CELF2: variants seen among roughly 807,000 people sequenced by gnomAD.
CELF2 encodes the protein CUG triplet repeat RNA-binding protein 2.
Under a neutral mutation model 62.6 loss-of-function variants are expected in CELF2, and 8 were observed. The ratio of observed to expected loss-of-function variants is 0.13; its 90% CI spans 0.07 to 0.23. The LOEUF (loss-of-function observed/expected upper bound fraction) is 0.23, where lower values mean the gene tolerates loss of function less well. Among genes scored for constraint, CELF2 ranks in the 10% least tolerant of loss-of-function variants. The pLI, the probability that CELF2 is intolerant of heterozygous loss-of-function variation, is 1.00. For synonymous variants in CELF2, 258 were observed against 250.0 expected (o/e 1.03, Z -0.30); for missense variants, 333 against 671.0 (o/e 0.50, Z 5.56).
At chr10:10,530,649 T>C in the CELF2 span, among the ~76,000 whole-genome samples, 11 of 152,318 alleles carry the variant, frequency 7.2e-5, no homozygotes, top group Non-Finnish European at 1.5e-4. Context: ...CTTTGCTCTT[T>C]CCTCTTTTGC....
At chr10:10,664,138 G>C in the CELF2 span, among the ~76,000 whole-genome samples, 1 of 152,228 alleles carries the variant, frequency 6.6e-6, no homozygotes, top group African/African-American at 2.4e-5. Context: ...AGTTTTGGTG[G>C]TCCTGGCACA....
intron 3 of CELF2, among the ~76,000 whole-genome samples, chr10:11,233,560 A>G (rs1211991500): frequency 1.3e-5 from 2 of 152,204 alleles, no homozygotes; most frequent in East Asian, 3.8e-4. Flanking sequence ...ATCCATTCAA[A>G]TGGTCTACAG....
intron 2 of CELF2, among the ~76,000 whole-genome samples, chr10:11,215,770 G>T (rs1259352552): frequency 6.6e-6 from 1 of 152,192 alleles, no homozygotes; most frequent in Non-Finnish European, 1.5e-5. Context: ...TACCAAGCCT[G>T]ATGAGGCATG....
chr10:10,894,212 A>G (rs1019832721), intron 1 of CELF2, among the ~76,000 whole-genome samples: 2 of 152,236 alleles, frequency 1.3e-5, no homozygotes, highest in Admixed American at 6.5e-5. Context: ...CAAGAGGCCA[A>G]TATTTGAAGT....
intron 12 of CELF2, among the ~76,000 whole-genome samples, chr10:11,326,862 G>C (rs1250157568): frequency 6.6e-6 from 1 of 152,156 alleles, no homozygotes; most frequent in African/African-American, 2.4e-5. Context: ...CAGGTAGTTA[G>C]GTAAGGGCTG....
the CELF2 span, among the ~76,000 whole-genome samples, chr10:10,532,331 G>T: frequency 6.6e-6 from 1 of 152,244 alleles, no homozygotes; most frequent in Non-Finnish European, 1.5e-5. Flanking sequence ...TCAGATGCTT[G>T]TTGCTGGGAT....
rs1254941071 is a variant in CELF2 at position 11,316,378 on chromosome 10, A to C, written c.1096+2120A>C. 6.6e-6 allele frequency among the ~76,000 whole-genome samples: 1 copy of C among 152,262 alleles called. No homozygotes were observed. On this transcript the variant is annotated intron_variant, in intron 10 of 12. Coordinates refer to ENST00000633077, the MANE Select transcript of CELF2 (RefSeq NM_001326342.2). This position sits in a 1 kb window ranked among gnomAD's most constrained non-coding sequence, Gnocchi z 4.4. ...TGTGATTGGAAAGTGTTACTAATGC[A>C]GAGCCGTTTTACAATCTCCAGCATT...
At chr10:10,887,475 A>G (rs569640857) in intron 1 of CELF2, among the ~76,000 whole-genome samples, 8 of 152,308 alleles carry the variant, frequency 5.3e-5, no homozygotes, top group East Asian at 1.9e-4. Flanking sequence ...GCAAAGTTCA[A>G]TTGAATTGAC....
the CELF2 span, among the ~76,000 whole-genome samples, chr10:10,561,219 C>T: frequency 4.6e-5 from 7 of 152,172 alleles, no homozygotes; most frequent in South Asian, 1.2e-3. Context: ...ATTTTTCAGT[C>T]TCTTCTCCGT....
At chr10:10,940,787 G>T (rs970808834) in intron 2 of CELF2, among the ~76,000 whole-genome samples, 1 of 152,130 alleles carries the variant, frequency 6.6e-6, no homozygotes, top group Non-Finnish European at 1.5e-5. Context: ...TGGCATGAAG[G>T]GTAGGGAGAA....
chr10:11,100,949 G>T (rs1270316040), intron 1 of CELF2, among the ~76,000 whole-genome samples: 1 of 152,230 alleles, frequency 6.6e-6, no homozygotes, highest in Non-Finnish European at 1.5e-5. Flanking sequence ...ACCAGGCAAA[G>T]AGGTGTTTAT....
intron 2 of CELF2, among the ~76,000 whole-genome samples, chr10:10,999,157 G>A (rs560511535): frequency 3.9e-5 from 6 of 152,068 alleles, no homozygotes; most frequent in Admixed American, 1.3e-4. Flanking sequence ...ACTCCTCGTT[G>A]AGCGTGGTAT....
intron 4 of CELF2, among the ~76,000 whole-genome samples, chr10:11,250,909 C>T (rs1034393569): frequency 6.6e-6 from 1 of 152,186 alleles, no homozygotes; most frequent in African/African-American, 2.4e-5. Flanking sequence ...GCGTGCTGGC[C>T]TGGGAAGAAG....
At chr10:11,108,186 T>C (rs1431361608) in intron 1 of CELF2, among the ~76,000 whole-genome samples, 3 of 144,900 alleles carry the variant, frequency 2.1e-5, no homozygotes, top group African/African-American at 7.8e-5. Flanking sequence ...ATGCTCTCAT[T>C]TTGTTTTCCC....
In CELF2 at chr10:10,983,323, G is replaced by A. The variant is rs1341728056; in HGVS notation, c.89+63324G>A. 6.6e-6 allele frequency among the ~76,000 whole-genome samples: 1 copy of A among 152,092 alleles called. No individual in the cohort carries two copies. The highest frequency in any genetic ancestry group is 1.5e-5 in the Non-Finnish European group (1 of 68,012). The stretch of plus-strand genomic sequence containing the variant: ...CTAGCTGAGGGTGCTTGGGGGTAGG[G>A]TATTCAGTTAGTAACCTGTATCTAA... On this transcript the variant is annotated intron_variant, in intron 2 of 13. Transcript: ENST00000636488. The surrounding 1 kb of genome is among the most constrained non-coding windows in gnomAD (Gnocchi z 5.2).
rs894033039 is a variant in CELF2 at position 11,207,347 on chromosome 10, A to G, written c.272-10078A>G. Among the ~76,000 whole-genome samples, 10 of 152,298 alleles carry G rather than the reference A, an allele frequency of 6.6e-5. No individual in the cohort carries two copies. The highest frequency in any genetic ancestry group is 3.4e-3 in the Middle Eastern group (1 of 294). On this transcript the variant is annotated intron_variant, in intron 2 of 12. Coordinates refer to ENST00000633077, the MANE Select transcript of CELF2 (RefSeq NM_001326342.2). This position sits in a 1 kb window ranked among gnomAD's most constrained non-coding sequence, Gnocchi z 4.1. The stretch of plus-strand genomic sequence containing the variant: ...AACAGAAGATGGTTCCTCCAGGGAA[A>G]GTCCCCAGGGCAACAGGAGGCTGCC...
In CELF2 at chr10:11,325,987, A is replaced by G. The variant is rs772233500; in HGVS notation, c.1438+8A>G. 6.2e-7 allele frequency: 1 copy of G among 1,608,644 alleles called. No homozygotes were observed. The highest frequency in any genetic ancestry group is 2.2e-5 in the East Asian group (1 of 44,846). Reference sequence around the variant, plus strand: ...ATCTGAGCAAGTGCTTTGGTATGCAAAAGAAACTAAGCTAGTATATTGCAG... The same window carrying G: ...ATCTGAGCAAGTGCTTTGGTATGCAGAAGAAACTAAGCTAGTATATTGCAG... On this transcript the variant is annotated splice_region_variant and intron_variant, in intron 12 of 12. Transcript: ENST00000633077.
At chr10:11,076,066 C>A (rs1435257630) in intron 1 of CELF2, among the ~76,000 whole-genome samples, 2 of 151,692 alleles carry the variant, frequency 1.3e-5, no homozygotes, top group Non-Finnish European at 2.9e-5. Flanking sequence ...AAGTCAGATC[C>A]ATTGTGGGTA....
chr10:10,653,180 A>G, the CELF2 span, among the ~76,000 whole-genome samples: 3 of 152,200 alleles, frequency 2.0e-5, no homozygotes, highest in African/African-American at 7.2e-5. Flanking sequence ...TCCTAAATAT[A>G]TATGCACCCA....
Sources: allele counts gnomAD v4.1 joint callset (sites outside exome capture counted in the v4.1 genomes callset), GRCh38; gene constraint gnomAD v4.1.1; non-coding constraint Gnocchi (gnomAD v3.1); transcripts MANE v1.5; gene names NCBI Gene and HGNC (gene_info 2026-07-23, HGNC 2026-07-21).